Variants in MCPH1 observed in about 807,000 individuals in gnomAD.
MCPH1 encodes the protein microcephalin.
Under a neutral mutation model 84.5 loss-of-function variants are expected in MCPH1, and 104 were observed. That is an observed-to-expected ratio of 1.23 (90% CI 1.05 to 1.45). MCPH1 has a LOEUF of 1.45. Ranked by LOEUF, MCPH1 falls within the 40% of genes most tolerant of loss-of-function variation. MCPH1 has a pLI of 0.00. For synonymous variants in MCPH1, 514 were observed against 366.8 expected (o/e 1.40, Z -4.58); for missense variants, 1,498 against 1,005.7 (o/e 1.49, Z -6.62).
intron 3 of MCPH1, among the ~76,000 whole-genome samples, chr8:6,415,970 C>G (rs181783432): frequency 1.3e-5 from 2 of 152,104 alleles, no homozygotes; most frequent in African/African-American, 4.8e-5. Flanking sequence ...CTCAAATTTC[C>G]TTCAGTGACA....
intron 12 of MCPH1, chr8:6,514,768 T>A (rs766866856): frequency 1.2e-6 from 2 of 1,613,938 alleles, no homozygotes; most frequent in Non-Finnish European, 1.7e-6. Flanking sequence ...AGCTTCCATG[T>A]CACAGTAGGC....
chr8:6,500,795 A>G (rs1812018882), intron 12 of MCPH1: 1 of 152,224 alleles, frequency 6.6e-6, no homozygotes, highest in Non-Finnish European at 1.5e-5. Flanking sequence ...TAAAAACACA[A>G]ATTCCCCCCA....
rs141941680 is a variant in MCPH1, at chr8:6,433,283, G to A, written c.321+1697G>A. Among the ~76,000 whole-genome samples, 304 of 152,158 alleles carry A rather than the reference G, an allele frequency of 2.0e-3. 2 individuals carry two copies. Among genetic ancestry groups the A allele is most frequent in the African/African-American group, 6.7e-3 (280 of 41,518 alleles). On this transcript the variant is annotated intron_variant, in intron 4 of 13. Transcript: ENST00000344683. The stretch of plus-strand genomic sequence containing the variant: ...TCAGATATCTAGAGATAAAATTACT[G>A]GGTAAGAATACATACACATTTTGAT...
intron 12 of MCPH1, chr8:6,501,955 G>A (rs1233306924): frequency 6.8e-6 from 1 of 146,706 alleles, no homozygotes; most frequent in African/African-American, 2.5e-5. Context: ...TTTGCTGATT[G>A]ACATAAAAAA....
chr8:6,640,310 T>G (rs1443113685), intron 13 of MCPH1, among the ~76,000 whole-genome samples: 2 of 152,152 alleles, frequency 1.3e-5, no homozygotes, highest in Non-Finnish European at 2.9e-5. Flanking sequence ...CAATTTACAC[T>G]ATTACTAACG....
intron 12 of MCPH1, among the ~76,000 whole-genome samples, chr8:6,550,520 C>T (rs1252309213): frequency 1.3e-5 from 2 of 152,226 alleles, no homozygotes; most frequent in East Asian, 1.9e-4. Context: ...CTGGCCTGCT[C>T]ACCATTTCCC....
At chr8:6,406,946 C>G (rs1351852490) in intron 1 of MCPH1, 1 of 546,168 alleles carries the variant, frequency 1.8e-6, no homozygotes, top group East Asian at 3.5e-5. Context: ...TCCCTGTCCC[C>G]CCAAACCCCC....
At chr8:6,503,121 T>C in intron 12 of MCPH1, 1 of 1,614,192 alleles carries the variant, frequency 6.2e-7, no homozygotes, top group Non-Finnish European at 8.5e-7. Flanking sequence ...GCTGGTCGGA[T>C]CATCATGGTT....
intron 12 of MCPH1, among the ~76,000 whole-genome samples, chr8:6,534,544 C>A (rs759783201): frequency 6.6e-6 from 1 of 152,066 alleles, no homozygotes; most frequent in East Asian, 1.9e-4. Context: ...GCTGGGACTA[C>A]GAGCGTGAGC....
chr8:6,439,421 G>C (rs1287687268), intron 6 of MCPH1, among the ~76,000 whole-genome samples: 1 of 128,000 alleles, frequency 7.8e-6, no homozygotes, highest in African/African-American at 3.0e-5. Context: ...ATGGAGTTTT[G>C]CATTTGTCAC....
At chr8:6,408,418 C>G (rs1390367513) in intron 1 of MCPH1, among the ~76,000 whole-genome samples, 3 of 152,082 alleles carry the variant, frequency 2.0e-5, no homozygotes, top group African/African-American at 2.4e-5. Flanking sequence ...GCCAGGGTCT[C>G]ACTATGTTGC....
At chr8:6,467,552 T>C (rs1172704795) in intron 9 of MCPH1, among the ~76,000 whole-genome samples, 1 of 152,182 alleles carries the variant, frequency 6.6e-6, no homozygotes, top group Non-Finnish European at 1.5e-5. Flanking sequence ...GATAGGAAAG[T>C]AGGAATGAAA....
At chr8:6,520,030 A>G in intron 12 of MCPH1, 1 of 1,606,808 alleles carries the variant, frequency 6.2e-7, no homozygotes, top group Non-Finnish European at 8.5e-7. Flanking sequence ...AACGGAGTTC[A>G]TGAAAAGACA....
intron 12 of MCPH1, among the ~76,000 whole-genome samples, chr8:6,536,859 CT>C (rs1247625464): frequency 6.6e-6 from 1 of 150,826 alleles, no homozygotes; most frequent in African/African-American, 2.4e-5. Flanking sequence ...CCTAGAATGT[CT>C]TTCTGTTTAG....
intron 12 of MCPH1, among the ~76,000 whole-genome samples, chr8:6,546,179 A>C (rs950790492): frequency 2.0e-5 from 3 of 152,258 alleles, no homozygotes; most frequent in Non-Finnish European, 4.4e-5. Context: ...GAGTTAGCAC[A>C]ATTCCCAAAC....
chr8:6,423,150 C>G (rs1029590862), intron 3 of MCPH1, among the ~76,000 whole-genome samples: 10 of 146,680 alleles, frequency 6.8e-5, no homozygotes, highest in African/African-American at 2.5e-4. Context: ...CTCAGAAGCT[C>G]AAAAGTGAAC....
At chr8:6,439,741 G>A (rs1165616263) in intron 6 of MCPH1, among the ~76,000 whole-genome samples, 1 of 152,018 alleles carries the variant, frequency 6.6e-6, no homozygotes, top group Non-Finnish European at 1.5e-5. Context: ...TTAGATTAAT[G>A]TATCTAAGGA....
At chr8:6,411,583 C>G (rs965868866) in intron 2 of MCPH1, among the ~76,000 whole-genome samples, 1 of 152,298 alleles carries the variant, frequency 6.6e-6, no homozygotes, top group East Asian at 1.9e-4. Context: ...AACAAATCTT[C>G]TAATCTTGAA....
chr8:6,626,828 C>T (rs1166471849), intron 13 of MCPH1: 2 of 985,230 alleles, frequency 2.0e-6, no homozygotes, highest in Non-Finnish European at 2.4e-6. Context: ...GCACTCTTCC[C>T]TCCCTGCTGC....
Sources: gnomAD v4.1 joint callset for allele counts (sites outside exome capture counted in the v4.1 genomes callset) on GRCh38, gnomAD v4.1.1 for gene constraint, MANE v1.5 for transcripts, NCBI Gene and HGNC (gene_info 2026-07-23, HGNC 2026-07-21) for gene names.